The following DLGAP2 variants were observed in gnomAD, a reference collection of about 807,000 sequenced individuals.
DLGAP2 encodes disks large-associated protein 2.
In DLGAP2, 26 loss-of-function variants were observed where a neutral mutation model predicts 100.3. That is an observed-to-expected ratio of 0.26 (90% CI 0.19 to 0.36). DLGAP2 has a LOEUF of 0.36. Among genes scored for constraint, DLGAP2 ranks in the 10% least tolerant of loss-of-function variants. The probability of loss-of-function intolerance (pLI) is 1.00; values close to 1 mark genes in which losing one functional copy is unlikely to be tolerated. For missense variants in DLGAP2, 1,858 were observed against 1,453.2 expected (o/e 1.28, Z -4.53); for synonymous variants, 886 against 630.1 (o/e 1.41, Z -6.08).
rs777906502 is a variant in DLGAP2 at position 1,684,840 on chromosome 8, C to A, written c.2704+6211C>A. 9.9e-5 allele frequency among the ~76,000 whole-genome samples: 15 copies of A among 152,068 alleles called. 1 individual carries two copies. Among genetic ancestry groups the A allele is most frequent in the African/African-American group, 1.7e-4 (7 of 41,354 alleles). ...CAAGCTAAGACTTTATTGAATAATT[C>A]CATTGAGATGCAACTCTCATCAAGA... On this transcript the variant is annotated intron_variant, in intron 12 of 14. Transcript: ENST00000637795.
chr8:988,606 G>A (rs560064565), intron 2 of DLGAP2, among the ~76,000 whole-genome samples: 1 of 152,262 alleles, frequency 6.6e-6, no homozygotes, highest in South Asian at 2.1e-4. Context: ...CCCTTCCAGG[G>A]TCTGATGTCC....
intron 6 of DLGAP2, among the ~76,000 whole-genome samples, chr8:1,600,374 A>G (rs1796588053): frequency 1.3e-5 from 2 of 152,082 alleles, no homozygotes; most frequent in Admixed American, 1.3e-4. Flanking sequence ...CTCAAGGAGT[A>G]ACTTTGTGGT....
At chr8:1,552,058 G>A (rs561071353) in intron 5 of DLGAP2, among the ~76,000 whole-genome samples, 3 of 152,102 alleles carry the variant, frequency 2.0e-5, no homozygotes, top group Admixed American at 6.5e-5. Context: ...TCTGAGTTCC[G>A]TGCCATGGGG....
chr8:1,044,409 T>C (rs1802459607), intron 2 of DLGAP2, among the ~76,000 whole-genome samples: 1 of 152,182 alleles, frequency 6.6e-6, no homozygotes, highest in Admixed American at 6.5e-5. Context: ...CCCAGGTGGC[T>C]GCACAGGCTG....
intron 1 of DLGAP2, among the ~76,000 whole-genome samples, chr8:888,471 C>G (rs1797965618): frequency 6.6e-6 from 1 of 152,094 alleles, no homozygotes; most frequent in Non-Finnish European, 1.5e-5. Context: ...TTTGGGTTTT[C>G]AGCATTTTTT....
intron 1 of DLGAP2, among the ~76,000 whole-genome samples, chr8:849,137 G>A (rs1419037066): frequency 4.0e-5 from 6 of 151,674 alleles, no homozygotes; most frequent in Non-Finnish European, 7.4e-5. Context: ...ATAGGATCAT[G>A]TGATGTGTGT....
intron 3 of DLGAP2, among the ~76,000 whole-genome samples, chr8:1,263,236 T>C (rs181858474): frequency 1.6e-3 from 243 of 152,288 alleles, no homozygotes; most frequent in African/African-American, 5.2e-3. Flanking sequence ...TTGGATTATT[T>C]GGGTAATGTT....
At chr8:1,131,037 G>A (rs918553300) in intron 2 of DLGAP2, among the ~76,000 whole-genome samples, 2 of 152,192 alleles carry the variant, frequency 1.3e-5, no homozygotes, top group Non-Finnish European at 1.5e-5. Context: ...TTCTTTAGAA[G>A]GATGCGCATT....
At chr8:1,060,752 T>C (rs762304214) in intron 2 of DLGAP2, among the ~76,000 whole-genome samples, 2 of 152,216 alleles carry the variant, frequency 1.3e-5, no homozygotes, top group Non-Finnish European at 2.9e-5. Flanking sequence ...GGGCATCCTG[T>C]GGGCTGCCTT....
chr8:1,027,893 A>T (rs1361658056), intron 2 of DLGAP2, among the ~76,000 whole-genome samples: 2 of 141,524 alleles, frequency 1.4e-5, no homozygotes, highest in East Asian at 4.6e-4. Flanking sequence ...GTGGGGTGCC[A>T]GGCGCCCGTT....
chr8:875,332 C>T (rs566139517), intron 1 of DLGAP2, among the ~76,000 whole-genome samples: 7 of 152,146 alleles, frequency 4.6e-5, no homozygotes, highest in African/African-American at 1.4e-4. Context: ...TGTGTCCCCA[C>T]CCAAATCTCA....
intron 2 of DLGAP2, among the ~76,000 whole-genome samples, chr8:1,186,503 C>G (rs1163344994): frequency 6.6e-6 from 1 of 152,212 alleles, no homozygotes; most frequent in Non-Finnish European, 1.5e-5. Context: ...CTGTCAGTGA[C>G]TGCAGTGACT....
At chr8:1,576,867 G>A (rs1424962208) in intron 6 of DLGAP2, among the ~76,000 whole-genome samples, 1 of 152,116 alleles carries the variant, frequency 6.6e-6, no homozygotes, top group Non-Finnish European at 1.5e-5. Context: ...TAGATTCAGT[G>A]CCATCCCCAT....
At chr8:813,926 G>A (rs940497425) in intron 1 of DLGAP2, among the ~76,000 whole-genome samples, 4 of 152,082 alleles carry the variant, frequency 2.6e-5, no homozygotes, top group Non-Finnish European at 5.9e-5. Context: ...GTAGTGATGA[G>A]GATGAATAGA....
intron 1 of DLGAP2, among the ~76,000 whole-genome samples, chr8:897,825 G>C (rs1798173865): frequency 6.6e-6 from 1 of 152,190 alleles, no homozygotes; most frequent in Non-Finnish European, 1.5e-5. Context: ...CAGCTGGGGT[G>C]CTCTCCGTGC....
At chr8:1,210,496 G>T (rs976680336) in intron 2 of DLGAP2, among the ~76,000 whole-genome samples, 4 of 152,206 alleles carry the variant, frequency 2.6e-5, no homozygotes, top group African/African-American at 9.6e-5. Flanking sequence ...CCTGAGGCGG[G>T]CAGGCAGCTC....
chr8:1,539,316 A>G (rs1801271916), intron 4 of DLGAP2, among the ~76,000 whole-genome samples: 1 of 152,182 alleles, frequency 6.6e-6, no homozygotes, highest in Non-Finnish European at 1.5e-5. Context: ...CCACATTGAG[A>G]TGCAATCCAC....
chr8:1,251,576 C>T (rs1799040960), intron 2 of DLGAP2, among the ~76,000 whole-genome samples: 1 of 152,180 alleles, frequency 6.6e-6, no homozygotes, highest in South Asian at 2.1e-4. Context: ...TGGGATTACA[C>T]GTGCAAGCCA....
rs575052876 is a variant in DLGAP2, at chr8:1,033,437, C to T, written c.73+125471C>T. On this transcript the variant is annotated intron_variant, in intron 2 of 14. Coordinates refer to ENST00000637795, the MANE Select transcript of DLGAP2 (RefSeq NM_001346810.2). ...ATCCCAGCACTTTGAGGGGCTGAGGCGGGCAGATTGCCTCAGCTGAGGAGT... is the reference window on the plus strand; with the variant it reads ...ATCCCAGCACTTTGAGGGGCTGAGGTGGGCAGATTGCCTCAGCTGAGGAGT... 1.2e-4 allele frequency among the ~76,000 whole-genome samples: 18 copies of T among 152,192 alleles called. No homozygotes were observed. The South Asian group carries it at 2.9e-3, about 25-fold the overall frequency.
Sources: gnomAD v4.1 joint callset for allele counts (sites outside exome capture counted in the v4.1 genomes callset) on GRCh38, gnomAD v4.1.1 for gene constraint, MANE v1.5 for transcripts, NCBI Gene and HGNC (gene_info 2026-07-23, HGNC 2026-07-21) for gene names.